The following SKAP1 variants were observed in gnomAD, a reference collection of about 807,000 sequenced individuals.
SKAP1 encodes the protein src kinase associated phosphoprotein 1.
Under a neutral mutation model 58.5 loss-of-function variants are expected in SKAP1, and 44 were observed. The observed-to-expected ratio is 0.75, with a 90% CI of 0.59 to 0.97. SKAP1 has a LOEUF of 0.97. Among genes scored for constraint, SKAP1 ranks in the 50% least tolerant of loss-of-function variants. SKAP1 has a pLI of 0.00. For synonymous variants in SKAP1, 127 were observed against 149.7 expected, an observed-to-expected ratio of 0.85 and a Z score of 1.11; for missense variants, 390 against 435.2, an observed-to-expected ratio of 0.90 and a Z score of 0.92.
intron 10 of SKAP1, among the ~76,000 whole-genome samples, chr17:48,163,723 G>A (rs1171970720): frequency 2.0e-5 from 3 of 152,066 alleles, no homozygotes; most frequent in Non-Finnish European, 2.9e-5. Flanking sequence ...CTGAGGATAG[G>A]GCAAGTGGGC....
At chr17:48,334,938 A>C (rs540213369) in intron 4 of SKAP1, among the ~76,000 whole-genome samples, 1 of 152,058 alleles carries the variant, frequency 6.6e-6, no homozygotes, top group South Asian at 2.1e-4. Flanking sequence ...AAAAATAATC[A>C]TAATCTCTTA....
chr17:48,224,330 T>C (rs191732474), intron 4 of SKAP1, among the ~76,000 whole-genome samples: 29 of 152,312 alleles, frequency 1.9e-4, no homozygotes, highest in Admixed American at 1.8e-3. Context: ...AATAATCTAG[T>C]TTTCCCTAGT....
At chr17:48,256,900 C>A (rs2065429338) in intron 4 of SKAP1, among the ~76,000 whole-genome samples, 1 of 151,984 alleles carries the variant, frequency 6.6e-6, no homozygotes, top group African/African-American at 2.4e-5. Context: ...ATGGAATAGT[C>A]ACTTGGTCCA....
At chr17:48,261,753 CGTT>C (rs2065487406) in intron 4 of SKAP1, among the ~76,000 whole-genome samples, 1 of 152,274 alleles carries the variant, frequency 6.6e-6, no homozygotes, top group South Asian at 2.1e-4. Flanking sequence ...GATTTGGTGT[CGTT>C]GTTTTCTACC....
chr17:48,165,979 A>T (rs2143318381), intron 10 of SKAP1, among the ~76,000 whole-genome samples: 1 of 152,334 alleles, frequency 6.6e-6, no homozygotes, highest in Non-Finnish European at 1.5e-5. Flanking sequence ...TCTCCGAAAA[A>T]CATAACTCTG....
intron 4 of SKAP1, among the ~76,000 whole-genome samples, chr17:48,263,059 T>A (rs1598483612): frequency 6.6e-6 from 1 of 152,222 alleles, no homozygotes; most frequent in African/African-American, 2.4e-5. Context: ...GTGGTTAGGA[T>A]GTTTCAAACT....
intron 4 of SKAP1, among the ~76,000 whole-genome samples, chr17:48,204,958 C>CTTTCTTTTCTTTTCTTTTCTTTTCT (rs1555602803): frequency 8.3e-6 from 1 of 120,718 alleles, no homozygotes; most frequent in African/African-American, 3.2e-5. Flanking sequence ...CCTCCTTCCT[C>CTTTCTTTTCTTTTCTTTTCTTTTCT]TTTCTTTTCT....
intron 4 of SKAP1, among the ~76,000 whole-genome samples, chr17:48,343,419 A>G (rs1039980156): frequency 6.6e-5 from 10 of 152,188 alleles, no homozygotes; most frequent in Non-Finnish European, 1.2e-4. Flanking sequence ...TTAGGCACTC[A>G]GGCACTGTGC....
intron 4 of SKAP1, among the ~76,000 whole-genome samples, chr17:48,244,752 C>T (rs1567836016): frequency 6.6e-6 from 1 of 152,110 alleles, no homozygotes; most frequent in Non-Finnish European, 1.5e-5. Context: ...GCATGGAGAT[C>T]CACTTAAAAG....
At chr17:48,197,416 G>A (rs1265038434) in intron 4 of SKAP1, among the ~76,000 whole-genome samples, 3 of 151,958 alleles carry the variant, frequency 2.0e-5, no homozygotes, top group Non-Finnish European at 2.9e-5. Flanking sequence ...AGAGATTTGG[G>A]TTTGAAAAGG....
At chr17:48,261,409 AGG>A (rs1189199408) in intron 4 of SKAP1, among the ~76,000 whole-genome samples, 1 of 152,140 alleles carries the variant, frequency 6.6e-6, no homozygotes, top group Non-Finnish European at 1.5e-5. Context: ...TGGGAGCTAC[AGG>A]GTTAGTTTGG....
chr17:48,393,411 G>A (rs2144521315), intron 2 of SKAP1, among the ~76,000 whole-genome samples: 1 of 152,148 alleles, frequency 6.6e-6, no homozygotes, highest in East Asian at 1.9e-4. Flanking sequence ...AAACAGAATA[G>A]CTAAAGTGAT....
At chr17:48,228,322 T>C (rs774690021) in intron 4 of SKAP1, among the ~76,000 whole-genome samples, 2 of 152,204 alleles carry the variant, frequency 1.3e-5, no homozygotes, top group Non-Finnish European at 2.9e-5. Context: ...AAAAACGCAA[T>C]ATAGAACATC....
chr17:48,275,235 G>C (rs900525740), intron 4 of SKAP1, among the ~76,000 whole-genome samples: 11 of 152,092 alleles, frequency 7.2e-5, no homozygotes, highest in African/African-American at 2.4e-4. Flanking sequence ...TGTACCCAGT[G>C]ACCTGCTAAT....
intron 4 of SKAP1, among the ~76,000 whole-genome samples, chr17:48,267,766 T>C (rs1420791343): frequency 2.0e-5 from 3 of 152,068 alleles, no homozygotes; most frequent in Non-Finnish European, 4.4e-5. Flanking sequence ...CCATGGGAGA[T>C]GTTTAGGAAC....
rs577372906 is a variant in SKAP1 at position 48,342,363 on chromosome 17, G to C, written c.280+3542C>G. ...CAACAGGCTCTCATTTTTATGCATG[G>C]GTTAGCCTGTAACCTTGGTTTTCAT... On this transcript the variant is annotated intron_variant, in intron 4 of 12. Transcript: ENST00000336915. 3.9e-5 allele frequency among the ~76,000 whole-genome samples: 6 copies of C among 152,184 alleles called. No individual in the cohort carries two copies. The East Asian group carries it at 9.6e-4, about 24-fold the overall frequency.
At chr17:48,330,613 G>A (rs2066492745) in intron 4 of SKAP1, among the ~76,000 whole-genome samples, 1 of 152,236 alleles carries the variant, frequency 6.6e-6, no homozygotes, top group South Asian at 2.1e-4. Flanking sequence ...CATTCATGCT[G>A]CCAGAAGGGC....
intron 1 of SKAP1, among the ~76,000 whole-genome samples, chr17:48,414,155 A>T (rs9895449): frequency 0.091 from 13,790 of 152,264 alleles, 950 homozygotes; most frequent in African/African-American, 0.16. Flanking sequence ...TTAAATAGAC[A>T]ATCAGAATAA....
At chr17:48,385,561 C>T (rs1598640382) in intron 2 of SKAP1, among the ~76,000 whole-genome samples, 1 of 151,732 alleles carries the variant, frequency 6.6e-6, no homozygotes, top group African/African-American at 2.4e-5. Context: ...ACTCTGAACT[C>T]AAAAGATGAA....
Sources: allele counts gnomAD v4.1 joint callset (sites outside exome capture counted in the v4.1 genomes callset), GRCh38; gene constraint gnomAD v4.1.1; transcripts MANE v1.5; gene names NCBI Gene and HGNC (gene_info 2026-07-23, HGNC 2026-07-21).